ZNF44: variants seen among roughly 807,000 people sequenced by gnomAD.
ZNF44 encodes the protein gonadotropin inducible transcription repressor-2.
ZNF44 carries 9 observed loss-of-function variants against 11.7 expected under a neutral mutation model. The ratio of observed to expected loss-of-function variants is 0.77; its 90% confidence interval spans 0.46 to 1.35. The LOEUF (loss-of-function observed/expected upper bound fraction) is 1.35, where lower values mean the gene tolerates loss of function less well. ZNF44 is among the 40% of genes most tolerant of loss of function. The probability of loss-of-function intolerance (pLI) is 0.00; values close to 1 mark genes in which losing one functional copy is unlikely to be tolerated. For synonymous variants in ZNF44, 224 were observed against 242.7 expected (o/e 0.92, Z 0.72); for missense variants, 696 against 743.1 (o/e 0.94, Z 0.74).
chr19:12,260,183 G>A (rs994122053), intron 5 of ZNF44: 4 of 769,878 alleles, frequency 5.2e-6, no homozygotes, highest in African/African-American at 5.1e-5. Context: ...CTGATCAAGA[G>A]GACTATGCCG....
chr19:12,279,732 T>C (rs559729757), intron 1 of ZNF44, among the ~76,000 whole-genome samples: 4 of 151,928 alleles, frequency 2.6e-5, no homozygotes, highest in Non-Finnish European at 4.4e-5. Context: ...TTGAGCCATA[T>C]AGAATTTCTG....
At chr19:12,250,296 T>C (rs752339747) in exon 6 of ZNF44, 2 of 1,366,854 alleles carry the variant, frequency 1.5e-6, no homozygotes, top group Non-Finnish European at 2.0e-6. Context: ...TAGAGTTTTT[T>C]CTGTGAAGGA....
At chr19:12,224,915 G>T (rs1599475016), downstream of ZNF44, 1 of 152,282 alleles carries the variant, frequency 6.6e-6, no homozygotes, top group East Asian at 1.9e-4. Flanking sequence ...CAGGAGAGGG[G>T]TTATCCCGAG....
At chr19:12,264,464 C>A (rs1201792617) in intron 5 of ZNF44, among the ~76,000 whole-genome samples, 1 of 152,074 alleles carries the variant, frequency 6.6e-6, no homozygotes, top group Non-Finnish European at 1.5e-5. Flanking sequence ...TGAGAAAAAC[C>A]CAGTGTTTCA....
At chr19:12,263,296 G>C (rs1240485472) in intron 5 of ZNF44, among the ~76,000 whole-genome samples, 2 of 151,896 alleles carry the variant, frequency 1.3e-5, no homozygotes, top group Non-Finnish European at 2.9e-5. Flanking sequence ...ATGTTGGTCA[G>C]GGTGGTCTCG....
At position 12,275,021 on chromosome 19, in the gene ZNF44, T is replaced by C. The variant is rs779716765; in HGVS notation, c.143A>G (p.Glu48Gly). 1.3e-6 allele frequency: 2 copies of C among 1,583,398 alleles called. No individual in the cohort carries two copies. Among genetic ancestry groups the C allele is most frequent in the African/African-American group, 1.4e-5 (1 of 73,334 alleles). ...RNLNCIGMKW[E>G]NQNIDDQHQN... Reference sequence around the variant, plus strand: ...GTGCTGATCATCAATGTTCTGGTTTTCCCATTTCATTCCTAAAAGAGAGAT... The same window carrying C: ...GTGCTGATCATCAATGTTCTGGTTTCCCCATTTCATTCCTAAAAGAGAGAT... Residue 48 changes from glutamate to glycine, a missense_variant, in exon 3 of 4, where the codon GAA becomes GGA. Physicochemically the swap from Glu to Gly is moderately conservative, Grantham distance 98 (BLOSUM62 -2). Transcript: ENST00000355684.
Position 12,273,595 on chromosome 19 carries a change from A to G in ZNF44, c.660T>C (p.Thr220=). ...SLLRMHERTH[T]GEKPYECKQC... is the part of the protein sequence containing the mutation. ...GCTTACATTCATATGGTTTCTCTCC[A>G]GTGTGAGTTCTTTCATGCATACGTA... The change falls in exon 4 of 4, where the codon ACT becomes ACC. Residue 220 remains threonine, a synonymous_variant. Transcript: ENST00000355684. 1 of 1,614,184 alleles carries G rather than the reference A, an allele frequency of 6.2e-7. No individual in the cohort carries two copies. Among genetic ancestry groups the G allele is most frequent in the Non-Finnish European group, 8.5e-7 (1 of 1,180,032 alleles).
At chr19:12,293,860 C>A (rs927644471) in intron 1 of ZNF44, among the ~76,000 whole-genome samples, 1 of 152,088 alleles carries the variant, frequency 6.6e-6, no homozygotes, top group Non-Finnish European at 1.5e-5. Context: ...ACCCCACACA[C>A]GAGTCTGGTT....
At chr19:12,262,514 C>T (rs1008283796) in intron 5 of ZNF44, among the ~76,000 whole-genome samples, 2 of 152,082 alleles carry the variant, frequency 1.3e-5, no homozygotes, top group African/African-American at 4.8e-5. Context: ...CATGATCTGC[C>T]CGCCTCGACC....
rs756146066 is a variant in ZNF44 at position 12,248,952 on chromosome 19, G to A, written c.*187-274C>T. On this transcript the variant is annotated intron_variant and NMD_transcript_variant, in intron 7 of 7. Coordinates refer to the ZNF44 transcript ENST00000393337. The stretch of plus-strand genomic sequence containing the variant: ...TCTGTCACCCAGGCTACACTCTGTC[G>A]CCCAGGCTGGAGTGCAGTGGTGCGA... 3.4e-3 allele frequency among the ~76,000 whole-genome samples: 469 copies of A among 139,276 alleles called. 1 individual carries two copies. The highest frequency in any genetic ancestry group is 7.5e-3 in the African/African-American group (297 of 39,356). The allele number at this position is 139,276 out of a possible 152,430, so 91.4% of individuals were successfully genotyped here. A position where few individuals can be genotyped will look rare whatever the true frequency, so the allele number is the denominator to read the frequency against.
rs1166248875 is a variant in ZNF44 at position 12,276,002 on chromosome 19, G to A, written c.84C>T (p.Leu28=). 6.2e-7 allele frequency: 1 copy of A among 1,609,452 alleles called. No individual in the cohort carries two copies. Among genetic ancestry groups the A allele is most frequent in the Non-Finnish European group, 8.5e-7 (1 of 1,176,930 alleles). ...WALLGPSQKN[L]YRDVMRETIR... is the part of the protein sequence containing the mutation. ...TGGTTTCTCGCATCACATCTCTGTAGAGATTCTTCTGTGATGGACCCAGCA... is the reference window on the plus strand; with the variant it reads ...TGGTTTCTCGCATCACATCTCTGTAAAGATTCTTCTGTGATGGACCCAGCA... The change falls in exon 2 of 4, where the codon CTC becomes CTT. Residue 28 remains leucine, a synonymous_variant. Coordinates refer to ENST00000355684, the MANE Select transcript of ZNF44 (RefSeq NM_016264.4).
upstream of ZNF44, chr19:12,237,842 A>G (rs1033578506): frequency 8.5e-6 from 1 of 118,054 alleles, no homozygotes; most frequent in Non-Finnish European, 1.6e-5. Context: ...ATTTGCATTT[A>G]AGAAAAACTT....
At chr19:12,240,436 T>TTCTA (rs1402001309), upstream of ZNF44, among the ~76,000 whole-genome samples, 2 of 130,728 alleles carry the variant, frequency 1.5e-5, no homozygotes, top group Admixed American at 8.1e-5. Context: ...CAGAGTGAGA[T>TTCTA]TCTATCTCAA....
At chr19:12,242,828 TGACAGGGA>T (rs917414819), downstream of ZNF44, 45 of 152,042 alleles carry the variant, frequency 3.0e-4, no homozygotes, top group African/African-American at 1.1e-3. Flanking sequence ...CCAGCCTGGG[TGACAGGGA>T]GACCCTGTCT....
rs571356250 is a variant in ZNF44 at position 12,272,889 on chromosome 19, C to T, written c.1366G>A (p.Ala456Thr). The change falls in exon 4 of 4, where the codon GCT becomes ACT. Residue 456 changes from alanine to threonine, a missense_variant. By Grantham distance (58) the Ala-to-Thr change is moderately conservative (BLOSUM62 0). Transcript: ENST00000355684. Reference protein sequence around the residue: ...EQPYKCKCGKAFSDLFSFQSH... With the variant: ...EQPYKCKCGKTFSDLFSFQSH... Reference sequence around the variant, plus strand: ...TGAAAGGAAAATAAATCACTAAAAGCTTTTCCACATTTACATTTATAGGGT... The same window carrying T: ...TGAAAGGAAAATAAATCACTAAAAGTTTTTCCACATTTACATTTATAGGGT... 178 of 1,613,880 alleles carry T rather than the reference C, an allele frequency of 1.1e-4. 3 individuals carry two copies. In the South Asian group the frequency reaches 1.8e-3, roughly 16 times the overall value.
At chr19:12,280,071 T>C (rs960545691) in intron 1 of ZNF44, among the ~76,000 whole-genome samples, 1 of 151,924 alleles carries the variant, frequency 6.6e-6, no homozygotes, top group Admixed American at 6.6e-5. Context: ...AATATCAAAT[T>C]AGCTGGGCGT....
chr19:12,285,058 C>A (rs1967671796), intron 1 of ZNF44: 3 of 681,672 alleles, frequency 4.4e-6, no homozygotes, highest in Non-Finnish European at 5.2e-6. Flanking sequence ...AGCTACCTAA[C>A]CCCTGACCTC....
upstream of ZNF44, among the ~76,000 whole-genome samples, chr19:12,239,568 ATT>A (rs1158604076): frequency 4.7e-4 from 36 of 76,044 alleles, no homozygotes; most frequent in African/African-American, 9.4e-4. Flanking sequence ...CCCAAGTTGC[ATT>A]TTTTTTTTTT....
At chr19:12,227,458 CA>C (rs1915967507) in intron 3 of ZNF44, among the ~76,000 whole-genome samples, 1 of 152,158 alleles carries the variant, frequency 6.6e-6, no homozygotes, top group African/African-American at 2.4e-5. Flanking sequence ...AAAAATTAGC[CA>C]GGTGTGGTGG....
Sources: allele counts gnomAD v4.1 joint callset (sites outside exome capture counted in the v4.1 genomes callset), GRCh38; gene constraint gnomAD v4.1.1; transcripts MANE v1.5; gene names NCBI Gene and HGNC (gene_info 2026-07-23, HGNC 2026-07-21).